ATP6V1C2: variants seen among roughly 807,000 people sequenced by gnomAD.
ATP6V1C2 encodes ATPase H+ transporting V1 subunit C2, also known as V-type proton ATPase subunit C 2.
ATP6V1C2 carries 45 observed loss-of-function variants against 56.8 expected under a neutral mutation model. That is an observed-to-expected ratio of 0.79 (90% CI 0.62 to 1.02). The LOEUF (loss-of-function observed/expected upper bound fraction) is 1.02. Ranked by LOEUF, ATP6V1C2 falls within the 50% of genes least tolerant of loss-of-function variation. The pLI is 0.00. For missense variants in ATP6V1C2, 463 were observed against 519.7 expected (o/e 0.89, Z 1.06); for synonymous variants, 220 against 201.3 (o/e 1.09, Z -0.79).
intron 3 of ATP6V1C2, among the ~76,000 whole-genome samples, chr2:10,741,668 T>C (rs1167970887): frequency 1.3e-5 from 2 of 151,380 alleles, no homozygotes; most frequent in African/African-American, 4.9e-5. Context: ...CCAGCTGACA[T>C]GTGGCCACCA....
chr2:10,722,328 C>A lies in ATP6V1C2; in HGVS notation c.-26-496C>A, dbSNP rs544100078. Among the ~76,000 whole-genome samples the A allele has an allele frequency of 3.3e-5, 5 of 152,134 alleles. No individual in the cohort carries two copies. The South Asian group carries it at 8.3e-4, about 25-fold the overall frequency. On this transcript the variant is annotated intron_variant, in intron 1 of 13. Transcript: ENST00000272238. ...TTTTTTTTTCTTATTTAAAAAAATC[C>A]TCTGAAGTCTATTTTTAAAGCTAAT... is the stretch of plus-strand genomic sequence containing the variant.
At chr2:10,746,200 A>G (rs1662903422) in intron 3 of ATP6V1C2, among the ~76,000 whole-genome samples, 1 of 152,010 alleles carries the variant, frequency 6.6e-6, no homozygotes, top group Non-Finnish European at 1.5e-5. Context: ...AGGTTTCACC[A>G]TGTGGGCCAG....
chr2:10,735,655 A>G (rs1662208969), intron 3 of ATP6V1C2, among the ~76,000 whole-genome samples: 1 of 150,246 alleles, frequency 6.7e-6, no homozygotes, highest in African/African-American at 2.5e-5. Context: ...GTTAGTCATG[A>G]TCACAGCTCA....
chr2:10,748,411 G>T (rs926681100), intron 3 of ATP6V1C2, among the ~76,000 whole-genome samples: 1 of 152,080 alleles, frequency 6.6e-6, no homozygotes, highest in Non-Finnish European at 1.5e-5. Context: ...TTGGTCACTT[G>T]ACTAAGGCAG....
intron 7 of ATP6V1C2, 53 bp from the exon 8 acceptor site, chr2:10,772,489 C>T (rs1664683766): frequency 4.1e-6 from 6 of 1,471,008 alleles, no homozygotes; most frequent in Non-Finnish European, 5.7e-6. Context: ...GCACTCAGGA[C>T]ACCCACGAGC....
intron 3 of ATP6V1C2, among the ~76,000 whole-genome samples, chr2:10,745,967 C>T (rs774069221): frequency 1.2e-4 from 18 of 152,284 alleles, no homozygotes; most frequent in African/African-American, 2.2e-4. Context: ...TGACTAGTGC[C>T]GCATCGTATG....
intron 3 of ATP6V1C2, among the ~76,000 whole-genome samples, chr2:10,738,772 C>A (rs1034800904): frequency 6.6e-6 from 1 of 152,150 alleles, no homozygotes; most frequent in African/African-American, 2.4e-5. Context: ...AGGGTTCGTT[C>A]CCATCTCAGT....
chr2:10,772,740 C>T (rs1218353495), intron 8 of ATP6V1C2, 130 bp downstream of exon 8: 11 of 797,500 alleles, frequency 1.4e-5, no homozygotes, highest in Non-Finnish European at 2.4e-5. Context: ...CCTCTCCTGT[C>T]CCTTGGCCTG....
intron 12 of ATP6V1C2, among the ~76,000 whole-genome samples, chr2:10,779,706 A>C (rs1054126547): frequency 2.7e-5 from 4 of 150,410 alleles, no homozygotes; most frequent in Non-Finnish European, 5.9e-5. Flanking sequence ...AAAAAAAAAA[A>C]ACTTCACTGT....
rs1469951733 is a variant in ATP6V1C2, at chr2:10,784,898, A to G, written c.*1635A>G. 2 of 1,411,406 alleles carry G rather than the reference A, an allele frequency of 1.4e-6. No individual in the cohort carries two copies. Among genetic ancestry groups the G allele is most frequent in the South Asian group, 2.5e-5 (2 of 81,546 alleles). 87.4% of individuals were successfully genotyped at this position (1,411,406 alleles called of 1,614,324 possible). On this transcript the variant is annotated 3_prime_UTR_variant, in exon 14 of 14. Coordinates refer to ENST00000272238, the MANE Select transcript of ATP6V1C2 (RefSeq NM_001039362.2). ...CACAGGCTCAAGAGAGTAAACCAGG[A>G]CTGCTGCCCGCACAGCTTCCCTCCC...
intron 5 of ATP6V1C2, chr2:10,767,879 C>A (rs927469683): frequency 6.6e-6 from 1 of 152,068 alleles, no homozygotes; most frequent in Admixed American, 6.5e-5. Context: ...CTGTGATCAT[C>A]GCCCCCATTC....
intron 6 of ATP6V1C2, among the ~76,000 whole-genome samples, chr2:10,770,528 T>A (rs1401552703): frequency 6.6e-6 from 1 of 152,220 alleles, no homozygotes; most frequent in Non-Finnish European, 1.5e-5. Flanking sequence ...CCTAAGGGGA[T>A]GGGTCATCTG....
At chr2:10,761,256 G>A (rs959472220) in intron 4 of ATP6V1C2, among the ~76,000 whole-genome samples, 5 of 152,120 alleles carry the variant, frequency 3.3e-5, no homozygotes, top group South Asian at 2.1e-4. Context: ...AGCACACACC[G>A]CCCTGTCATC....
At chr2:10,761,763 G>A (rs539741138) in intron 4 of ATP6V1C2, among the ~76,000 whole-genome samples, 1 of 152,312 alleles carries the variant, frequency 6.6e-6, no homozygotes, top group East Asian at 1.9e-4. Context: ...TTCTTATATG[G>A]CCTCGAATCC....
At chr2:10,770,020 A>C (rs1664489566) in intron 6 of ATP6V1C2, 1 of 152,214 alleles carries the variant, frequency 6.6e-6, no homozygotes, top group African/African-American at 2.4e-5. Context: ...CCACTTCTGC[A>C]ATCCACTTCT....
At chr2:10,743,164 T>G (rs1662661898) in intron 3 of ATP6V1C2, among the ~76,000 whole-genome samples, 2 of 152,162 alleles carry the variant, frequency 1.3e-5, no homozygotes, top group African/African-American at 4.8e-5. Context: ...TTGCCCAGGC[T>G]GGACTGCAGT....
rs60533807 is a variant in ATP6V1C2 at position 10,782,829 on chromosome 2, C to CAAAAAAAAA, written c.1195-319_1195-311dup. Among the ~76,000 whole-genome samples, 15 of 52,226 alleles carry CAAAAAAAAA rather than the reference C, an allele frequency of 2.9e-4. 1 individual carries two copies. The highest frequency in any genetic ancestry group is 9.5e-4 in the African/African-American group (15 of 15,858). 34.3% of individuals were successfully genotyped at this position (52,226 alleles called of 152,430 possible). A position where few individuals can be genotyped will look rare whatever the true frequency, so the allele number is the denominator to read the frequency against. On this transcript the variant is annotated intron_variant, in intron 13 of 13. Coordinates refer to ENST00000272238, the MANE Select transcript of ATP6V1C2 (RefSeq NM_001039362.2). ...CTGGCGACAGAACAAGACTCTGTCT[C>CAAAAAAAAA]AAAAAAAAAAAAAAAAAAAAAAAAA... is the stretch of plus-strand genomic sequence containing the variant.
Position 10,784,565 on chromosome 2 carries a change from A to C in ATP6V1C2, c.*1302A>C. ...CATTTTAACACTGGAAGCCACTTGA[A>C]CGTGTCCTTTTGAGGAGGGTGGGAC... On this transcript the variant is annotated 3_prime_UTR_variant, in exon 14 of 14. Transcript: ENST00000272238. 1 of 524,802 alleles carries C rather than the reference A, an allele frequency of 1.9e-6. No individual in the cohort carries two copies. The highest frequency in any genetic ancestry group is 3.3e-6 in the Non-Finnish European group (1 of 299,444). The allele number at this position is 524,802 out of a possible 1,614,324, so 32.5% of individuals were successfully genotyped here.
chr2:10,740,899 C>A (rs1662514151), intron 3 of ATP6V1C2, among the ~76,000 whole-genome samples: 1 of 152,190 alleles, frequency 6.6e-6, no homozygotes, highest in African/African-American at 2.4e-5. Flanking sequence ...GTTGGCCAGG[C>A]TGGTCTCAAA....
Sources: allele counts gnomAD v4.1 joint callset (sites outside exome capture counted in the v4.1 genomes callset), GRCh38; gene constraint gnomAD v4.1.1; transcripts MANE v1.5; gene names NCBI Gene and HGNC (gene_info 2026-07-23, HGNC 2026-07-21).